The following UCKL1 variants were observed in gnomAD, a reference collection of about 807,000 sequenced individuals.
UCKL1 encodes the protein uridine-cytidine kinase-like 1.
A neutral mutation model predicts 59.2 loss-of-function variants in UCKL1; 65 were observed. The ratio of observed to expected loss-of-function variants is 1.10; its 90% CI spans 0.90 to 1.35. The LOEUF is 1.35. Among genes scored for constraint, UCKL1 ranks in the 40% most tolerant of loss-of-function variants. The pLI, the probability that UCKL1 is intolerant of heterozygous loss-of-function variation, is 0.00. For missense variants in UCKL1, 703 were observed against 784.3 expected (o/e 0.90, Z 1.24); for synonymous variants, 410 against 323.1 (o/e 1.27, Z -2.88).
Position 63,940,257 on chromosome 20 carries a change from G to A in UCKL1, c.1460C>T (p.Ala487Val). ...DKIFLLSLLM[A>V]EMGVHSVAYA... is the part of the protein sequence containing the mutation. ...GGCCACTGAGTGCACGCCCATCTCT[G>A]CCATGAGCAGCGACAGCAAAAAGAT... The change falls in exon 14 of 15, where the codon GCA (alanine) becomes GTA (valine). Residue 487 changes from alanine to valine, a missense_variant. By Grantham distance (64) the Ala-to-Val change is moderately conservative. Around this residue, in one of 4 missense-constraint regions of UCKL1, gnomAD observed 124 missense variants for 161.1 expected, o/e 0.77. Transcript: ENST00000354216. The A allele has an allele frequency of 1.2e-6, 2 of 1,612,748 alleles. No individual in the cohort carries two copies. Among genetic ancestry groups the A allele is most frequent in the Non-Finnish European group, 1.7e-6 (2 of 1,179,994 alleles).
At chr20:63,952,518 C>T (rs941242276) in intron 1 of UCKL1, among the ~76,000 whole-genome samples, 2 of 152,208 alleles carry the variant, frequency 1.3e-5, no homozygotes, top group African/African-American at 2.4e-5. Flanking sequence ...AGGGGCCGCT[C>T]ACGGTGGGGA....
chr20:63,944,511 G>A (rs774902586), intron 6 of UCKL1, 34 bp downstream of exon 6: 29 of 1,593,126 alleles, frequency 1.8e-5, no homozygotes, highest in Non-Finnish European at 2.2e-5. Flanking sequence ...TGGCCTGCCC[G>A]ACACCCACCC....
chr20:63,941,419 C>A, intron 8 of UCKL1: 1 of 705,596 alleles, frequency 1.4e-6, no homozygotes, highest in Non-Finnish European at 2.4e-6. Context: ...TGGCGGCGAA[C>A]AACGGGGCAA....
At chr20:63,949,394 C>A (rs554445337) in intron 1 of UCKL1, among the ~76,000 whole-genome samples, 2 of 152,052 alleles carry the variant, frequency 1.3e-5, no homozygotes, top group Non-Finnish European at 1.5e-5. Context: ...GGGACCTGCA[C>A]CCCACTCAGG....
intron 1 of UCKL1, among the ~76,000 whole-genome samples, chr20:63,952,514 C>T (rs908379185): frequency 5.3e-5 from 8 of 152,332 alleles, no homozygotes; most frequent in Admixed American, 2.6e-4. Flanking sequence ...AGGGAGGGGC[C>T]GCTCACGGTG....
At position 63,956,380 on chromosome 20, in the gene UCKL1, G is replaced by A. The variant is rs1239226211; in HGVS notation, c.-8C>T. Reference sequence around the variant, plus strand: ...GGCCGGGGGCGCAGCCATGGCGCTCGGAGGCCTCTTTGCGGGCCTGGCCGG... The same window carrying A: ...GGCCGGGGGCGCAGCCATGGCGCTCAGAGGCCTCTTTGCGGGCCTGGCCGG... On this transcript the variant is annotated 5_prime_UTR_variant, in exon 1 of 15. An upstream open reading frame in the 5' UTR gains an earlier in-frame stop. Coordinates refer to ENST00000354216, the MANE Select transcript of UCKL1 (RefSeq NM_017859.4). 1.1e-5 allele frequency: 16 copies of A among 1,484,736 alleles called. No homozygotes were observed. Among genetic ancestry groups the A allele is most frequent in the Non-Finnish European group, 1.3e-5 (15 of 1,120,062 alleles). The allele number at this position is 1,484,736 out of a possible 1,614,324, so 92.0% of individuals were successfully genotyped here. A position where few individuals can be genotyped will look rare whatever the true frequency, so the allele number is the denominator to read the frequency against.
intron 8 of UCKL1, 162 bp from the exon 9 acceptor site, chr20:63,941,370 G>A: frequency 1.8e-6 from 2 of 1,115,552 alleles, no homozygotes; most frequent in South Asian, 3.1e-5. Context: ...GCTGGGGGGA[G>A]ACGTCGCCCT....
intron 8 of UCKL1, 27 bp from the exon 9 acceptor site, chr20:63,941,235 C>G (rs1224442793): frequency 1.4e-6 from 2 of 1,477,494 alleles, no homozygotes; most frequent in South Asian, 2.7e-5. Flanking sequence ...GGGGAACACT[C>G]AAGAAGGGGG....
chr20:63,940,703 G>T lies in UCKL1; in HGVS notation c.1193C>A (p.Ser398Tyr). The T allele has an allele frequency of 6.2e-7, 1 of 1,608,532 alleles. No individual in the cohort carries two copies. The part of the protein sequence containing the change: ...CYAGKQITGV[S>Y]ILRAGETMEP... ...CATGGTTTCACCGGCGCGCAGAATG[G>T]ACACACCGGTGATCTGCGGGGAGGG... Residue 398 changes from serine to tyrosine, a missense_variant, in exon 12 of 15, where the codon TCC (serine) becomes TAC (tyrosine). Physicochemically the swap from Ser to Tyr is moderately radical, Grantham distance 144. Coordinates refer to ENST00000354216, the MANE Select transcript of UCKL1 (RefSeq NM_017859.4).
In UCKL1 at chr20:63,940,421, A is replaced by C. The variant is rs1224094414; in HGVS notation, c.1367T>G (p.Val456Gly). Residue 456 changes from valine (V) to glycine (G), a missense_variant, in exon 13 of 15, where the codon GTG becomes GGG. By Grantham distance (109) the Val-to-Gly change is moderately radical. Transcript: ENST00000354216. ...DDHVILMDCTVSTGAAAMMAV... is the reference protein window; with the variant it reads ...DDHVILMDCTGSTGAAAMMAV... ...CATCATGGCCGCCGCGCCCGTGGAC[A>C]CGGTGCAGTCCATGAGGATCACGTG... 1.2e-6 allele frequency: 2 copies of C among 1,612,132 alleles called. No homozygotes were observed. Among genetic ancestry groups the C allele is most frequent in the South Asian group, 1.1e-5 (1 of 91,064 alleles).
chr20:63,941,829 C>T lies in UCKL1; in HGVS notation c.924-621G>A, dbSNP rs1410406155. Among the ~76,000 whole-genome samples, 3 of 142,796 alleles carry T rather than the reference C, an allele frequency of 2.1e-5. No individual in the cohort carries two copies. In the Admixed American group the frequency reaches 2.1e-4, roughly 10 times the overall value. The allele number at this position is 142,796 out of a possible 152,430, so 93.7% of individuals were successfully genotyped here. On this transcript the variant is annotated intron_variant, in intron 8 of 14. Transcript: ENST00000354216. ...AGGTGGGACAGGGAGGAGGCAAAGC[C>T]GGAAAGGGGCATGACAGGGGCAGGG...
chr20:63,950,572 G>A (rs565675481), intron 1 of UCKL1, among the ~76,000 whole-genome samples: 2 of 152,146 alleles, frequency 1.3e-5, no homozygotes, highest in South Asian at 2.1e-4. Flanking sequence ...CAAGAGAGAC[G>A]CGCCCAGACC....
At chr20:63,950,531 C>T (rs1433280150) in intron 1 of UCKL1, among the ~76,000 whole-genome samples, 2 of 152,190 alleles carry the variant, frequency 1.3e-5, no homozygotes, top group Non-Finnish European at 2.9e-5. Flanking sequence ...AGGTTAATTC[C>T]AACCCGGAGG....
chr20:63,952,975 C>A (rs1175150830), intron 1 of UCKL1, among the ~76,000 whole-genome samples: 2 of 152,246 alleles, frequency 1.3e-5, no homozygotes, highest in Admixed American at 1.3e-4. Context: ...GGTGGCCGGG[C>A]GCGGTGGCTC....
intron 1 of UCKL1, among the ~76,000 whole-genome samples, chr20:63,949,112 G>C (rs2057152355): frequency 6.6e-6 from 1 of 152,190 alleles, no homozygotes; most frequent in East Asian, 1.9e-4. Context: ...CTCAGAGACA[G>C]ACAGGTCTGC....
Position 63,939,945 on chromosome 20 carries a change from G to A in UCKL1, c.*31C>T, listed in dbSNP as rs185510784. 5 of 1,597,622 alleles carry A rather than the reference G, an allele frequency of 3.1e-6. No homozygotes were observed. The Middle Eastern group carries it at 5.0e-4, about 159-fold the overall frequency. The stretch of plus-strand genomic sequence containing the variant: ...GTCCTGGGTCAGGAGGCAGGAGGAG[G>A]GTGGTGGGGACGGGATGGCTCACTG... On this transcript the variant is annotated 3_prime_UTR_variant, in exon 15 of 15. Coordinates refer to ENST00000354216, the MANE Select transcript of UCKL1 (RefSeq NM_017859.4).
intron 1 of UCKL1, among the ~76,000 whole-genome samples, chr20:63,949,271 A>G (rs1444169841): frequency 2.6e-5 from 4 of 152,254 alleles, no homozygotes; most frequent in Non-Finnish European, 4.4e-5. Flanking sequence ...GCCAGGCGCC[A>G]AGACGACCAG....
rs2054892053 is a variant in UCKL1 at position 63,942,595 on chromosome 20, G to A, written c.923+1058C>T. On this transcript the variant is annotated intron_variant, in intron 8 of 14. Transcript: ENST00000354216. ...GAGAAGGCTGCTTAGTTGGGGAGCA[G>A]GGCGTTCCCCGCAGGCCTGAGGAGG... 5.3e-6 allele frequency: 4 copies of A among 753,042 alleles called. No individual in the cohort carries two copies. In the South Asian group the frequency reaches 6.6e-5, roughly 12 times the overall value. 46.6% of individuals were successfully genotyped at this position (753,042 alleles called of 1,614,324 possible). A position where few individuals can be genotyped will look rare whatever the true frequency, so the allele number is the denominator to read the frequency against.
chr20:63,944,248 C>T, intron 7 of UCKL1, 149 bp downstream of exon 7: 2 of 774,532 alleles, frequency 2.6e-6, no homozygotes, highest in Non-Finnish European at 4.1e-6. Context: ...TCTGACTGGC[C>T]AAGCAGGCTC....
Sources: gnomAD v4.1 joint callset for allele counts (sites outside exome capture counted in the v4.1 genomes callset) on GRCh38, gnomAD v4.1.1 for gene constraint, gnomAD v4.1.1 regional missense constraint, MANE v1.5 for transcripts, NCBI Gene and HGNC (gene_info 2026-07-23, HGNC 2026-07-21) for gene names.